SI: variants seen among roughly 807,000 people sequenced by gnomAD.
SI encodes sucrase-isomaltase.
Under a neutral mutation model 253.3 loss-of-function variants are expected in SI, and 235 were observed. The ratio of observed to expected loss-of-function variants is 0.93; its 90% CI spans 0.83 to 1.03. The LOEUF is 1.03. Among genes scored for constraint, SI ranks in the 50% least tolerant of loss-of-function variants. The pLI, the probability that SI is intolerant of heterozygous loss-of-function variation, is 0.00. For missense variants in SI, 2,442 were observed against 2,211.1 expected (o/e 1.10, Z -2.09); for synonymous variants, 819 against 712.0 (o/e 1.15, Z -2.39).
chr3:165,023,712 T>C lies in SI; in HGVS notation c.2957A>G (p.Asn986Ser), dbSNP rs1207367603. Reference sequence around the variant, plus strand: ...ACCCATGGATGAATAGCGAGCTGAGTTGACTGAATAAGAGTTATCTTGTCT... The same window carrying C: ...ACCCATGGATGAATAGCGAGCTGAGCTGACTGAATAAGAGTTATCTTGTCT... ...FPRQDNSYSV[N>S]SARYSSMGIT... Residue 986 changes from asparagine to serine, a missense_variant, in exon 26 of 48, where the codon AAC (asparagine) becomes AGC (serine). By Grantham distance (46) the Asn-to-Ser change is conservative (BLOSUM62 1). Coordinates refer to ENST00000264382, the MANE Select transcript of SI (RefSeq NM_001041.4). 2 of 1,610,748 alleles carry C rather than the reference T, an allele frequency of 1.2e-6. No individual in the cohort carries two copies. The highest frequency in any genetic ancestry group is 8.5e-7 in the Non-Finnish European group (1 of 1,177,956).
chr3:165,055,284 G>A lies in SI; in HGVS notation c.1422C>T (p.Tyr474=). Reference sequence around the variant, plus strand: ...TGCAGTTTGGGTTAGTGAAATCAGGGTATACTGTTAATCCTGGCCATACCT... The same window carrying A: ...TGCAGTTTGGGTTAGTGAAATCAGGATATACTGTTAATCCTGGCCATACCT... ...IGEVWPGLTV[Y]PDFTNPNCID... is the part of the protein sequence containing the mutation. The change falls in exon 13 of 48, where the codon TAC becomes TAT. Residue 474 remains tyrosine, a synonymous_variant. Transcript: ENST00000264382. 2 of 1,602,042 alleles carry A rather than the reference G, an allele frequency of 1.2e-6. No individual in the cohort carries two copies. Among genetic ancestry groups the A allele is most frequent in the South Asian group, 1.1e-5 (1 of 90,850 alleles).
At chr3:165,048,580 T>TAGAGAGAGAG (rs71156876) in intron 15 of SI, among the ~76,000 whole-genome samples, 1 of 109,848 alleles carries the variant, frequency 9.1e-6, no homozygotes, top group Non-Finnish European at 2.0e-5. Flanking sequence ...TATATATATA[T>TAGAGAGAGAG]ATATAGAGAG....
chr3:165,079,297 T>G (rs76404600), upstream of SI, among the ~76,000 whole-genome samples: 561 of 151,788 alleles, frequency 3.7e-3, 2 homozygotes, highest in African/African-American at 0.013. Context: ...TGAGCTAATA[T>G]TGCTTAATTA....
At chr3:165,011,347 A>G (rs1384257531) in intron 34 of SI, among the ~76,000 whole-genome samples, 1 of 151,892 alleles carries the variant, frequency 6.6e-6, no homozygotes, top group Non-Finnish European at 1.5e-5. Flanking sequence ...TTCTCTTTTG[A>G]TCTTTTTGTT....
upstream of SI, among the ~76,000 whole-genome samples, chr3:165,080,229 A>G (rs902409701): frequency 3.9e-5 from 6 of 152,052 alleles, no homozygotes; most frequent in Admixed American, 2.6e-4. Flanking sequence ...ATTCAAGAGA[A>G]ATAGTTAACA....
chr3:165,068,573 C>G, intron 5 of SI, 149 bp downstream of exon 5: 1 of 683,862 alleles, frequency 1.5e-6, no homozygotes, highest in East Asian at 2.9e-5. Flanking sequence ...CGGGGTTTCA[C>G]CCTGTTAGCC....
rs1560006536 is a variant in SI at position 165,047,066 on chromosome 3, T to C, written c.1716-54A>G. 1.6e-5 allele frequency: 22 copies of C among 1,375,144 alleles called. 1 individual carries two copies. The highest frequency in any genetic ancestry group is 1.0e-4 in the East Asian group (4 of 39,716). 85.2% of individuals were successfully genotyped at this position (1,375,144 alleles called of 1,614,324 possible). A position where few individuals can be genotyped will look rare whatever the true frequency, so the allele number is the denominator to read the frequency against. ...AATTTATTTTAAAAAATAAAGTTGG[T>C]ATTTAAATTCTAAAATTTCATAATT... On this transcript the variant is annotated intron_variant, in intron 15 of 47. Coordinates refer to ENST00000264382, the MANE Select transcript of SI (RefSeq NM_001041.4).
At chr3:165,069,230 C>T in intron 3 of SI, 35 bp from the exon 4 acceptor site, 1 of 1,296,730 alleles carries the variant, frequency 7.7e-7, no homozygotes, top group East Asian at 2.4e-5. Flanking sequence ...TATATAATTA[C>T]TACTATTATC....
intron 5 of SI, among the ~76,000 whole-genome samples, chr3:165,068,042 A>T (rs1370118593): frequency 6.6e-6 from 1 of 152,016 alleles, no homozygotes; most frequent in Non-Finnish European, 1.5e-5. Flanking sequence ...CAAAATATTT[A>T]TACTAGTAAA....
rs1576927190 is a variant in SI at position 165,074,341 on chromosome 3, G to A, written c.255+190C>T. 5 of 327,212 alleles carry A rather than the reference G, an allele frequency of 1.5e-5. No individual in the cohort carries two copies. In the East Asian group the frequency reaches 2.5e-4, roughly 17 times the overall value. 20.3% of individuals were successfully genotyped at this position (327,212 alleles called of 1,614,324 possible). On this transcript the variant is annotated intron_variant, in intron 3 of 47. Transcript: ENST00000264382. ...TTAACTTGTTAATTTAAATTGAGCA[G>A]AGATAAAGGAAAGCAAGGTCAGTAA...
At chr3:165,067,855 T>G (rs976891108) in intron 5 of SI, among the ~76,000 whole-genome samples, 3 of 151,680 alleles carry the variant, frequency 2.0e-5, no homozygotes, top group African/African-American at 2.4e-5. Context: ...TATAACTATA[T>G]AAAGATAAGA....
intron 37 of SI, among the ~76,000 whole-genome samples, chr3:165,003,003 C>T (rs905290196): frequency 1.3e-5 from 2 of 151,724 alleles, no homozygotes; most frequent in Non-Finnish European, 3.0e-5. Context: ...CATAATTTTG[C>T]TTAAAAGTGG....
chr3:165,013,177 C>A, intron 33 of SI, 135 bp from the exon 34 acceptor site: 2 of 728,928 alleles, frequency 2.7e-6, no homozygotes, highest in South Asian at 1.4e-5. Context: ...CCCTTCAAAT[C>A]TCATTATTAT....
In SI at chr3:165,039,833, C is replaced by A. The variant is rs911314685; in HGVS notation, c.2244+54G>T. On this transcript the variant is annotated intron_variant, in intron 19 of 47. Transcript: ENST00000264382. The stretch of plus-strand genomic sequence containing the variant: ...ATTCAGATGTTTTGTAATGTAGGGT[C>A]GATTTAGTTATACAAAGTTCAAACA... The A allele has an allele frequency of 6.7e-6, 8 of 1,187,664 alleles. No individual in the cohort carries two copies. The African/African-American group carries it at 9.0e-5, about 13-fold the overall frequency. 73.6% of individuals were successfully genotyped at this position (1,187,664 alleles called of 1,614,324 possible). A position where few individuals can be genotyped will look rare whatever the true frequency, so the allele number is the denominator to read the frequency against.
chr3:165,033,391 T>C lies in SI; in HGVS notation c.2565+4A>G. 6.4e-7 allele frequency: 1 copy of C among 1,557,132 alleles called. No homozygotes were observed. Among genetic ancestry groups the C allele is most frequent in the South Asian group, 1.2e-5 (1 of 82,394 alleles). ...TTAAGTATATGTACAAAGAGAGTGC[T>C]TACATTAGAAACTGAAAATGTATAT... On this transcript the variant is annotated splice_donor_region_variant and intron_variant, in intron 23 of 47. Transcript: ENST00000264382.
At chr3:165,069,246 TC>T (rs1560017737) in intron 3 of SI, 51 bp from the exon 4 acceptor site, 1 of 1,174,744 alleles carries the variant, frequency 8.5e-7, no homozygotes, top group East Asian at 2.4e-5. Context: ...TTATCAGATG[TC>T]CCAGTCTCTG....
chr3:165,048,582 T>TAGAGAGAG (rs773093036), intron 15 of SI, among the ~76,000 whole-genome samples: 25 of 111,718 alleles, frequency 2.2e-4, no homozygotes, highest in East Asian at 1.5e-3. Context: ...TATATATATA[T>TAGAGAGAG]ATAGAGAGAG....
chr3:165,013,156 A>C (rs910864832), intron 33 of SI, 114 bp from the exon 34 acceptor site: 1 of 769,494 alleles, frequency 1.3e-6, no homozygotes, highest in African/African-American at 1.7e-5. Context: ...CAAAGTCTTC[A>C]GATCTGCAAT....
chr3:165,069,145 AAG>A lies in SI; in HGVS notation c.304_305del (p.Leu102TyrfsTer8), dbSNP rs1319765477. 3.6e-5 allele frequency: 58 copies of A among 1,613,694 alleles called. No individual in the cohort carries two copies. Among genetic ancestry groups the A allele is most frequent in the Non-Finnish European group, 4.9e-5 (58 of 1,179,758 alleles). On this transcript the variant is annotated frameshift_variant, in exon 4 of 48. Coordinates refer to ENST00000264382, the MANE Select transcript of SI (RefSeq NM_001041.4). LOFTEE classifies it high-confidence loss of function. ...TATCAACGAAGAAGCACCAAGGAATAAGAGAGTCATTCCACGGCCTCCAGCAG... is the reference window on the plus strand; with the variant it reads ...TATCAACGAAGAAGCACCAAGGAATAAGAGTCATTCCACGGCCTCCAGCAG... The part of the protein sequence containing the change: ...GCCWRPWNDS[L>X]IPWCFFVDNH...
Sources: gnomAD v4.1 joint callset for allele counts (sites outside exome capture counted in the v4.1 genomes callset) on GRCh38, gnomAD v4.1.1 for gene constraint, MANE v1.5 for transcripts, NCBI Gene and HGNC (gene_info 2026-07-23, HGNC 2026-07-21) for gene names.